Variants in LYPLAL1 observed in about 807,000 individuals in gnomAD.
LYPLAL1 encodes lysophospholipase like 1.
LYPLAL1 carries 23 observed loss-of-function variants against 19.7 expected under a neutral mutation model. The ratio of observed to expected loss-of-function variants is 1.17; its 90% CI spans 0.84 to 1.65. LYPLAL1 has a LOEUF of 1.65. LYPLAL1 is among the 40% of genes most tolerant of loss of function. The pLI is 0.00. For missense variants in LYPLAL1, 355 were observed against 279.4 expected (o/e 1.27, Z -1.93); for synonymous variants, 119 against 96.3 (o/e 1.24, Z -1.38).
chr1:219,240,765 A>C, the LYPLAL1 span, among the ~76,000 whole-genome samples: 6 of 152,072 alleles, frequency 3.9e-5, no homozygotes, highest in Admixed American at 1.3e-4. Context: ...AACTAAGAAA[A>C]TTGGGTGGTC....
chr1:219,205,404 G>C (rs1310488596), intron 3 of LYPLAL1, among the ~76,000 whole-genome samples: 2 of 150,770 alleles, frequency 1.3e-5, no homozygotes, highest in African/African-American at 4.9e-5. Context: ...CACTCAGTAA[G>C]TATGTGTTCA....
the LYPLAL1 span, among the ~76,000 whole-genome samples, chr1:219,304,630 A>G: frequency 6.6e-6 from 1 of 152,230 alleles, no homozygotes; most frequent in Non-Finnish European, 1.5e-5. Flanking sequence ...ACAAGAGTCC[A>G]AAAATATAAA....
the LYPLAL1 span, among the ~76,000 whole-genome samples, chr1:219,385,741 C>A: frequency 6.6e-6 from 1 of 152,022 alleles, no homozygotes; most frequent in Non-Finnish European, 1.5e-5. Context: ...TAAAGATAAA[C>A]AGAGTTAAGA....
chr1:219,435,202 C>T, the LYPLAL1 span: 4 of 152,136 alleles, frequency 2.6e-5, no homozygotes, highest in Admixed American at 2.6e-4. Flanking sequence ...ATAAATACTT[C>T]CACTAAAAAT....
At chr1:219,420,654 A>T in the LYPLAL1 span, among the ~76,000 whole-genome samples, 3 of 152,018 alleles carry the variant, frequency 2.0e-5, no homozygotes, top group Admixed American at 6.6e-5. Context: ...CTGCCATTGT[A>T]TGAGTGGATT....
chr1:219,254,254 A>T, the LYPLAL1 span, among the ~76,000 whole-genome samples: 1 of 151,866 alleles, frequency 6.6e-6, no homozygotes, highest in African/African-American at 2.4e-5. Flanking sequence ...TGTGCCTTTT[A>T]TTTGGGGCAT....
intron 2 of LYPLAL1, 59 bp downstream of exon 2, chr1:219,179,305 G>C: frequency 8.3e-7 from 1 of 1,199,680 alleles, no homozygotes; most frequent in South Asian, 1.3e-5. Flanking sequence ...TATATATAGA[G>C]AGATGTGCCA....
At chr1:219,202,594 G>T (rs775609416) in intron 3 of LYPLAL1, among the ~76,000 whole-genome samples, 1 of 152,204 alleles carries the variant, frequency 6.6e-6, no homozygotes, top group Non-Finnish European at 1.5e-5. Flanking sequence ...ATGAAGGAGG[G>T]ATTCAGTGGG....
chr1:219,430,757 G>C, the LYPLAL1 span, among the ~76,000 whole-genome samples: 1 of 152,154 alleles, frequency 6.6e-6, no homozygotes, highest in Non-Finnish European at 1.5e-5. Context: ...CCTTAAAGGA[G>C]GTATACTGTC....
At chr1:219,186,321 T>G (rs973203475) in intron 2 of LYPLAL1, among the ~76,000 whole-genome samples, 3 of 151,910 alleles carry the variant, frequency 2.0e-5, no homozygotes, top group Admixed American at 1.3e-4. Context: ...CTATAAATGT[T>G]AATGGTTCAA....
At chr1:219,420,817 T>C in the LYPLAL1 span, among the ~76,000 whole-genome samples, 7 of 152,316 alleles carry the variant, frequency 4.6e-5, no homozygotes, top group African/African-American at 1.7e-4. Flanking sequence ...ACTACCCCAT[T>C]ACTATAAATT....
At chr1:219,244,643 A>T in the LYPLAL1 span, among the ~76,000 whole-genome samples, 1 of 152,200 alleles carries the variant, frequency 6.6e-6, no homozygotes, top group African/African-American at 2.4e-5. Context: ...ACCACAATAT[A>T]TGTTATAAAA....
the LYPLAL1 span, among the ~76,000 whole-genome samples, chr1:219,444,269 AGC>A: frequency 6.6e-6 from 1 of 152,202 alleles, no homozygotes; most frequent in African/African-American, 2.4e-5. Flanking sequence ...TGTTTTGTGT[AGC>A]CAGGAGGATT....
At chr1:219,404,224 A>G in the LYPLAL1 span, among the ~76,000 whole-genome samples, 1 of 152,168 alleles carries the variant, frequency 6.6e-6, no homozygotes, top group African/African-American at 2.4e-5. Flanking sequence ...CCAAAGCCCC[A>G]TCTCCAAATG....
At chr1:219,371,764 TTGTC>T in the LYPLAL1 span, among the ~76,000 whole-genome samples, 30,743 of 152,050 alleles carry the variant, frequency 0.2, 3,572 homozygotes, top group Admixed American at 0.31. Context: ...TCACTTTCCT[TTGTC>T]TGTACACAAG....
At chr1:219,190,075 A>T (rs1657024005) in intron 2 of LYPLAL1, among the ~76,000 whole-genome samples, 1 of 151,658 alleles carries the variant, frequency 6.6e-6, no homozygotes. Flanking sequence ...AGATAAAGAG[A>T]TTAGTGGAAC....
chr1:219,409,649 A>C, the LYPLAL1 span: 1 of 152,162 alleles, frequency 6.6e-6, no homozygotes, highest in Non-Finnish European at 1.5e-5. Flanking sequence ...CTTTAGTGAG[A>C]TGGGTCTCTT....
chr1:219,180,496 G>A (rs1656188391), intron 2 of LYPLAL1, among the ~76,000 whole-genome samples: 1 of 152,148 alleles, frequency 6.6e-6, no homozygotes, highest in South Asian at 2.1e-4. Flanking sequence ...TTATTTAAAT[G>A]TAATTTTAAT....
chr1:219,403,881 T>C, the LYPLAL1 span, among the ~76,000 whole-genome samples: 1 of 152,060 alleles, frequency 6.6e-6, no homozygotes, highest in Admixed American at 6.5e-5. Context: ...TATATCTTAT[T>C]CAGCTTGACT....
Sources: allele counts gnomAD v4.1 joint callset (sites outside exome capture counted in the v4.1 genomes callset), GRCh38; gene constraint gnomAD v4.1.1; transcripts MANE v1.5; gene names NCBI Gene and HGNC (gene_info 2026-07-23, HGNC 2026-07-21).